The following MFN1 variants were observed in gnomAD, a reference collection of about 807,000 sequenced individuals.
MFN1 encodes mitofusin 1, also known as mitofusin-1.
MFN1 carries 65 observed loss-of-function variants against 92.4 expected under a neutral mutation model. The ratio of observed to expected loss-of-function variants is 0.70; its 90% CI spans 0.58 to 0.86. The LOEUF is 0.86. MFN1 is among the 40% of genes least tolerant of loss of function. The pLI is 0.00. For missense variants in MFN1, 781 were observed against 868.0 expected (o/e 0.90, Z 1.26); for synonymous variants, 297 against 300.9 (o/e 0.99, Z 0.13).
chr3:179,388,694 G>A (rs1479498765), intron 16 of MFN1, among the ~76,000 whole-genome samples: 1 of 152,168 alleles, frequency 6.6e-6, no homozygotes. Flanking sequence ...AATCATGAAG[G>A]ATAGTAGATC....
intron 10 of MFN1, 61 bp from the exon 11 acceptor site, chr3:179,376,981 G>A: frequency 6.4e-7 from 1 of 1,553,742 alleles, no homozygotes; most frequent in Non-Finnish European, 8.7e-7. Flanking sequence ...TGAGTCCCTT[G>A]CTGAAATGCT....
chr3:179,375,802 C>T (rs1713216186), intron 10 of MFN1, among the ~76,000 whole-genome samples: 1 of 152,140 alleles, frequency 6.6e-6, no homozygotes, highest in African/African-American at 2.4e-5. Flanking sequence ...ATGCTACCTG[C>T]CAACCAGAAA....
chr3:179,351,085 G>T lies in MFN1; in HGVS notation c.113-815G>T, dbSNP rs376001968. On this transcript the variant is annotated intron_variant, in intron 2 of 17. Coordinates refer to ENST00000471841, the MANE Select transcript of MFN1 (RefSeq NM_033540.3). ...CTCCCAAAGTGCTAGGATTATAGGCGTGAGCCCCCACGCCCACATGAATCT... is the reference window on the plus strand; with the variant it reads ...CTCCCAAAGTGCTAGGATTATAGGCTTGAGCCCCCACGCCCACATGAATCT... Among the ~76,000 whole-genome samples the T allele has an allele frequency of 3.3e-5, 5 of 152,320 alleles. 2 individuals carry two copies. Among genetic ancestry groups the T allele is most frequent in the Admixed American group, 6.5e-5 (1 of 15,302 alleles).
intron 9 of MFN1, among the ~76,000 whole-genome samples, chr3:179,370,450 A>G (rs1712980213): frequency 7.7e-6 from 1 of 129,750 alleles, no homozygotes; most frequent in Non-Finnish European, 1.5e-5. Context: ...GCCAGGCTGG[A>G]ATGAGGGAGT....
intron 9 of MFN1, among the ~76,000 whole-genome samples, chr3:179,373,033 C>T (rs1430416234): frequency 6.6e-6 from 1 of 151,998 alleles, no homozygotes; most frequent in Non-Finnish European, 1.5e-5. Context: ...CTATAACTTC[C>T]TACATTAATT....
intron 14 of MFN1, among the ~76,000 whole-genome samples, 188 bp from the exon 15 acceptor site, chr3:179,385,379 GAT>G (rs1290864315): frequency 6.6e-6 from 1 of 151,782 alleles, no homozygotes; most frequent in Non-Finnish European, 1.5e-5. Context: ...TATTGTTCAT[GAT>G]ATCATTGGTC....
At chr3:179,368,196 T>TAA in intron 9 of MFN1, 93 bp downstream of exon 9, 1 of 985,460 alleles carries the variant, frequency 1.0e-6, no homozygotes, top group Non-Finnish European at 1.4e-6. Flanking sequence ...TCTTTGTCAA[T>TAA]AACTTTTGCT....
intron 5 of MFN1, among the ~76,000 whole-genome samples, chr3:179,363,261 T>G (rs901010504): frequency 1.3e-4 from 20 of 152,212 alleles, no homozygotes; most frequent in Non-Finnish European, 2.2e-4. Flanking sequence ...ATCTTTGTAT[T>G]TTTTGGTAGA....
intron 7 of MFN1, among the ~76,000 whole-genome samples, chr3:179,366,997 G>C (rs1056714549): frequency 1.3e-5 from 2 of 152,176 alleles, no homozygotes; most frequent in African/African-American, 2.4e-5. Context: ...GCACGATCTT[G>C]GCTCACTGCA....
At chr3:179,385,547 C>T in intron 14 of MFN1, 22 bp from the exon 15 acceptor site, 2 of 1,496,390 alleles carry the variant, frequency 1.3e-6, no homozygotes, top group Non-Finnish European at 1.7e-6. Context: ...AATCTTTTTT[C>T]CTTTCTCTTT....
At chr3:179,383,772 A>G (rs1577015485) in intron 14 of MFN1, among the ~76,000 whole-genome samples, 1 of 152,158 alleles carries the variant, frequency 6.6e-6, no homozygotes, top group South Asian at 2.1e-4. Context: ...TAGGAATCCA[A>G]CTTACAAAGG....
intron 14 of MFN1, among the ~76,000 whole-genome samples, chr3:179,384,830 C>G (rs1274989851): frequency 6.6e-6 from 1 of 152,044 alleles, no homozygotes; most frequent in Non-Finnish European, 1.5e-5. Context: ...TCACTGCACC[C>G]AGCCCCAAAT....
chr3:179,367,980 C>T, intron 8 of MFN1, 56 bp from the exon 9 acceptor site: 2 of 1,135,606 alleles, frequency 1.8e-6, no homozygotes, highest in South Asian at 2.7e-5. Flanking sequence ...AGTAGCCTAC[C>T]AGAAAACATA....
rs1208295923 is a variant in MFN1, at chr3:179,348,690, TCTGA to T, written c.-7-152_-7-149del. On this transcript the variant is annotated intron_variant, in intron 1 of 17. Transcript: ENST00000471841. ...ATCATTCAAAAGTCGTCTCTAACTG[TCTGA>T]CTAGAACACTCCCAAAAAAGAATTA... is the stretch of plus-strand genomic sequence containing the variant. 11 of 1,125,808 alleles carry T rather than the reference TCTGA, an allele frequency of 9.8e-6. No individual in the cohort carries two copies. In the African/African-American group the frequency reaches 1.5e-4, roughly 16 times the overall value. The allele number at this position is 1,125,808 out of a possible 1,614,324, so 69.7% of individuals were successfully genotyped here. A position where few individuals can be genotyped will look rare whatever the true frequency, so the allele number is the denominator to read the frequency against.
Position 179,377,178 on chromosome 3 carries a change from A to C in MFN1, c.1224+10A>C. 6.2e-7 allele frequency: 1 copy of C among 1,609,310 alleles called. No individual in the cohort carries two copies. ...GGAGGTGGCAAACAAAGTGGGTAAC[A>C]GTAGCTTCATGATTAAAATAACCTG... On this transcript the variant is annotated intron_variant, in intron 11 of 17. Transcript: ENST00000471841.
intron 12 of MFN1, among the ~76,000 whole-genome samples, chr3:179,377,780 T>C (rs554514577): frequency 2.5e-4 from 38 of 151,910 alleles, no homozygotes; most frequent in African/African-American, 9.2e-4. Context: ...CAAAAAACAG[T>C]TAGGCTGGTT....
chr3:179,368,907 T>C (rs1394639490), intron 9 of MFN1, among the ~76,000 whole-genome samples: 1 of 152,230 alleles, frequency 6.6e-6, no homozygotes, highest in Non-Finnish European at 1.5e-5. Flanking sequence ...ACTGCTTTAA[T>C]GTAAAGGGGA....
chr3:179,350,510 C>T (rs765269746), intron 2 of MFN1, among the ~76,000 whole-genome samples: 1 of 152,000 alleles, frequency 6.6e-6, no homozygotes, highest in African/African-American at 2.4e-5. Context: ...GTGTATTGTA[C>T]GTGTTATAGA....
At chr3:179,349,036 T>G (rs575797763) in intron 2 of MFN1, 73 bp downstream of exon 2, 1 of 1,270,618 alleles carries the variant, frequency 7.9e-7, no homozygotes, top group East Asian at 2.4e-5. Context: ...TCAACGTTAG[T>G]TATTGAACAC....
Sources: gnomAD v4.1 joint callset for allele counts (sites outside exome capture counted in the v4.1 genomes callset) on GRCh38, gnomAD v4.1.1 for gene constraint, MANE v1.5 for transcripts, NCBI Gene and HGNC (gene_info 2026-07-23, HGNC 2026-07-21) for gene names.